Variants in INSRR observed in about 807,000 individuals in gnomAD.
INSRR encodes the protein insulin receptor-related protein.
A neutral mutation model predicts 130.0 loss-of-function variants in INSRR; 114 were observed. That is an observed-to-expected ratio of 0.88 (90% CI 0.75 to 1.02). The LOEUF (loss-of-function observed/expected upper bound fraction) is 1.02. Ranked by LOEUF, INSRR falls within the 50% of genes least tolerant of loss-of-function variation. The pLI is 0.00. For synonymous variants in INSRR, 674 were observed against 705.2 expected (o/e 0.96, Z 0.70); for missense variants, 1,657 against 1,735.2 (o/e 0.95, Z 0.80).
In INSRR at chr1:156,846,149, GGT is replaced by G. The variant is rs1655000031; in HGVS notation, c.1811-32_1811-31del. On this transcript the variant is annotated intron_variant, in intron 8 of 21. Transcript: ENST00000368195. The stretch of plus-strand genomic sequence containing the variant: ...GAGTGCGAGAAGGATGCAACTCAGG[GGT>G]GTGGGTCTTCCTCCTGAATACTATC... The G allele has an allele frequency of 6.5e-6, 10 of 1,548,256 alleles. No individual in the cohort carries two copies. In the Admixed American group the frequency reaches 7.7e-5, roughly 12 times the overall value.
chr1:156,854,735 T>A lies in INSRR; in HGVS notation c.86-432A>T, dbSNP rs769255777. 2.0e-5 allele frequency among the ~76,000 whole-genome samples: 3 copies of A among 152,126 alleles called. No homozygotes were observed. Among genetic ancestry groups the A allele is most frequent in the Admixed American group, 6.5e-5 (1 of 15,276 alleles). On this transcript the variant is annotated intron_variant, in intron 1 of 21. Transcript: ENST00000368195. The surrounding 1 kb of genome is among the most constrained non-coding windows in gnomAD (Gnocchi z 4.2). ...GTCAACACCTTCACAGCTTCCACCA[T>A]CATCTTCCCCTGGATTGACAGTCAT...
At chr1:156,852,814 G>T (rs1159783246) in intron 2 of INSRR, among the ~76,000 whole-genome samples, 1 of 152,170 alleles carries the variant, frequency 6.6e-6, no homozygotes, top group South Asian at 2.1e-4. Flanking sequence ...GAGAGGATGC[G>T]CAGCAGCTGT....
Position 156,846,088 on chromosome 1 carries a change from CGTGGA to C in INSRR, c.1837_1841del (p.Ser613ValfsTer41). 6.2e-7 allele frequency: 1 copy of C among 1,608,670 alleles called. No homozygotes were observed. Among genetic ancestry groups the C allele is most frequent in the Non-Finnish European group, 8.5e-7 (1 of 1,177,062 alleles). On this transcript the variant is annotated frameshift_variant, in exon 9 of 22. Coordinates refer to ENST00000368195, the MANE Select transcript of INSRR (RefSeq NM_014215.3). LOFTEE classifies it high-confidence loss of function. ...CCAGGAGGTGGGAGGAGGAGTTGGACGTGGAGATGACGTCTTGGGGCACCGTGGGA... is the reference window on the plus strand; with the variant it reads ...CCAGGAGGTGGGAGGAGGAGTTGGACGATGACGTCTTGGGGCACCGTGGGA...
rs1407241887 is a variant in INSRR, at chr1:156,852,032, G to A, written c.797C>T (p.Thr266Ile). ...GACLWACPPG[T>I]YQYESWRCVT... The stretch of plus-strand genomic sequence containing the variant: ...ACAGCGCCAGGACTCATACTGGTAG[G>A]TGCCTGGCGGGCAGGCCCACAGGCA... The change falls in exon 3 of 22, where the codon ACC becomes ATC. Residue 266 changes from threonine to isoleucine, a missense_variant. Transcript: ENST00000368195. 5 of 1,613,538 alleles carry A rather than the reference G, an allele frequency of 3.1e-6. No homozygotes were observed. Among genetic ancestry groups the A allele is most frequent in the African/African-American group, 2.7e-5 (2 of 75,066 alleles).
At chr1:156,855,624 A>T (rs1571675220) in intron 1 of INSRR, among the ~76,000 whole-genome samples, 1 of 152,062 alleles carries the variant, frequency 6.6e-6, no homozygotes, top group South Asian at 2.1e-4. Flanking sequence ...GGAATTCGAG[A>T]CCAGCCTGGG....
Position 156,851,311 on chromosome 1 carries a change from C to G in INSRR, c.1208G>C (p.Arg403Pro). The G allele has an allele frequency of 1.2e-6, 2 of 1,614,118 alleles. No individual in the cohort carries two copies. The highest frequency in any genetic ancestry group is 8.5e-7 in the Non-Finnish European group (1 of 1,180,028). The change falls in exon 5 of 22, where the codon CGG (arginine) becomes CCG (proline). Residue 403 changes from arginine (R) to proline (P), a missense_variant. Transcript: ENST00000368195. ...LGFFKNLKLI[R>P]GDAMVDGNYT... ...TTACCCATCCACCATGGCGTCTCCC[C>G]GGATTAGTTTGAGGTTCTTGAAAAA...
rs529304007 is a variant in INSRR at position 156,854,416 on chromosome 1, C to G, written c.86-113G>C. The G allele has an allele frequency of 1.3e-5, 15 of 1,147,410 alleles. No individual in the cohort carries two copies. In the East Asian group the frequency reaches 3.9e-4, roughly 30 times the overall value. The allele number at this position is 1,147,410 out of a possible 1,614,324, so 71.1% of individuals were successfully genotyped here. On this transcript the variant is annotated intron_variant, in intron 1 of 21. Transcript: ENST00000368195. The surrounding 1 kb of genome is among the most constrained non-coding windows in gnomAD (Gnocchi z 4.2). ...GGCAGTAGGACAATGAGTGAGGAGC[C>G]GGGCTCTGCTCTGGGTGTGGGGTGG...
chr1:156,852,242 C>T (rs1655242508), intron 2 of INSRR, 51 bp from the exon 3 acceptor site: 2 of 1,519,496 alleles, frequency 1.3e-6, no homozygotes. Context: ...TCAGTCCTGG[C>T]TGTCCTTCCA....
chr1:156,849,524 G>T (rs541230327), intron 5 of INSRR, 64 bp from the exon 6 acceptor site: 14 of 1,154,216 alleles, frequency 1.2e-5, no homozygotes, highest in African/African-American at 1.1e-4. Context: ...AAAGGGGATG[G>T]CTTATGGGTT....
In INSRR at chr1:156,845,655, A is replaced by C; in HGVS notation, c.2138T>G (p.Phe713Cys). 2 of 1,610,954 alleles carry C rather than the reference A, an allele frequency of 1.2e-6. No individual in the cohort carries two copies. The highest frequency in any genetic ancestry group is 1.7e-6 in the Non-Finnish European group (2 of 1,178,864). ...GATCGCGTTGTGTAGAAAGTTTTCA[A>C]ACTTCTTCTGGAACGAGGCCTCTTG... ...EAQEASFQKKFENFLHNAITI... is the reference protein window; with the variant it reads ...EAQEASFQKKCENFLHNAITI... The change falls in exon 10 of 22, where the codon TTT (phenylalanine) becomes TGT (cysteine). Residue 713 changes from phenylalanine to cysteine, a missense_variant. By Grantham distance (205) the Phe-to-Cys change is radical (BLOSUM62 -2). Transcript: ENST00000368195.
intron 21 of INSRR, 72 bp downstream of exon 21, chr1:156,841,322 G>C (rs925717466): frequency 7.4e-7 from 1 of 1,354,924 alleles, no homozygotes; most frequent in African/African-American, 1.5e-5. Flanking sequence ...AGGTGAGCCA[G>C]AATCATGGGG....
chr1:156,850,809 AG>A (rs1185295226), intron 5 of INSRR, among the ~76,000 whole-genome samples: 1 of 150,438 alleles, frequency 6.6e-6, no homozygotes, highest in Non-Finnish European at 1.5e-5. Flanking sequence ...CACCCGCCTC[AG>A]CCTCCCAAAG....
In INSRR at chr1:156,852,048, C is replaced by G. The variant is rs1655233962; in HGVS notation, c.781G>C (p.Ala261Pro). ...TACTGGTAGGTGCCTGGCGGGCAGG[C>G]CCACAGGCAGGCACCCTGGAAGTAG... The part of the protein sequence containing the change: ...HLYFQGACLW[A>P]CPPGTYQYES... Residue 261 changes from alanine (A) to proline (P), a missense_variant, in exon 3 of 22, where the codon GCC becomes CCC. Transcript: ENST00000368195. The G allele has an allele frequency of 1.2e-6, 2 of 1,613,516 alleles. No individual in the cohort carries two copies. Among genetic ancestry groups the G allele is most frequent in the Admixed American group, 3.3e-5 (2 of 60,002 alleles).
Position 156,841,139 on chromosome 1 carries a change from G to A in INSRR, c.3663-35C>T, listed in dbSNP as rs1055784797. On this transcript the variant is annotated intron_variant, in intron 21 of 21. Coordinates refer to ENST00000368195, the MANE Select transcript of INSRR (RefSeq NM_014215.3). ...GTGGGGAGCAGGGTCAGAGGCATCC[G>A]GGAGCCCCTGCCACGCTCTCAGCCT... 1.0e-5 allele frequency: 15 copies of A among 1,482,114 alleles called. No homozygotes were observed. The South Asian group carries it at 1.3e-4, about 13-fold the overall frequency. 91.8% of individuals were successfully genotyped at this position (1,482,114 alleles called of 1,614,324 possible).
Position 156,843,440 on chromosome 1 carries a change from G to A in INSRR, c.2883C>T (p.Phe961=), listed in dbSNP as rs569893906. The A allele has an allele frequency of 1.1e-5, 18 of 1,614,182 alleles. No homozygotes were observed. In the Admixed American group the frequency reaches 3.0e-4, roughly 27 times the overall value. ...TLYASVNPEY[F]SASDMYVPDE... ...TCCCAGACCTACTATCAGAGGCGCT[G>A]AAGTACTCTGGATTCACAGAAGCAT... is the stretch of plus-strand genomic sequence containing the variant. Residue 961 remains phenylalanine (F), a synonymous_variant, in exon 16 of 22, where the codon TTC becomes TTT. Transcript: ENST00000368195.
In INSRR at chr1:156,843,497, G is replaced by C; in HGVS notation, c.2844-18C>G. On this transcript the variant is annotated intron_variant, in intron 15 of 21. Transcript: ENST00000368195. Reference sequence around the variant, plus strand: ...TTCTGTTTCTGCAACGGGAGGTGAGGGGGTCAGGCTGGAAGGGTTCTCAGG... The same window carrying C: ...TTCTGTTTCTGCAACGGGAGGTGAGCGGGTCAGGCTGGAAGGGTTCTCAGG... The C allele has an allele frequency of 6.2e-7, 1 of 1,614,044 alleles. No homozygotes were observed. Among genetic ancestry groups the C allele is most frequent in the Non-Finnish European group, 8.5e-7 (1 of 1,179,864 alleles).
At chr1:156,845,048 G>A (rs757991130) in intron 12 of INSRR, 28 bp downstream of exon 12, 1 of 1,585,382 alleles carries the variant, frequency 6.3e-7, no homozygotes. Flanking sequence ...GGTGATGGGG[G>A]TAGAAGGTGT....
intron 7 of INSRR, 71 bp downstream of exon 7, chr1:156,848,850 C>T: frequency 6.6e-7 from 1 of 1,513,046 alleles, no homozygotes; most frequent in Admixed American, 2.0e-5. Flanking sequence ...CCGCCCTCAC[C>T]TGCCTGTGGT....
At chr1:156,849,714 C>T (rs1558088881) in intron 5 of INSRR, among the ~76,000 whole-genome samples, 2 of 152,134 alleles carry the variant, frequency 1.3e-5, no homozygotes, top group Admixed American at 6.5e-5. Context: ...AGCTTCCCTG[C>T]CCCCATCCTT....
Sources: allele counts gnomAD v4.1 joint callset (sites outside exome capture counted in the v4.1 genomes callset), GRCh38; gene constraint gnomAD v4.1.1; non-coding constraint Gnocchi (gnomAD v3.1); transcripts MANE v1.5; gene names NCBI Gene and HGNC (gene_info 2026-07-23, HGNC 2026-07-21).